FUT8: variants seen among roughly 807,000 people sequenced by gnomAD.
FUT8 encodes the protein alpha-(1,6)-fucosyltransferase.
FUT8 carries 29 observed loss-of-function variants against 71.3 expected under a neutral mutation model. That is an observed-to-expected ratio of 0.41 (90% CI 0.30 to 0.55). The LOEUF is 0.55. Among genes scored for constraint, FUT8 ranks in the 20% least tolerant of loss-of-function variants. The probability of loss-of-function intolerance (pLI) is 0.34; values close to 1 mark genes in which losing one functional copy is unlikely to be tolerated. For synonymous variants in FUT8, 254 were observed against 239.3 expected (o/e 1.06, Z -0.57); for missense variants, 544 against 702.1 (o/e 0.77, Z 2.55).
chr14:65,616,486 A>G, intron 5 of FUT8, 113 bp downstream of exon 5: 2 of 940,590 alleles, frequency 2.1e-6, no homozygotes, highest in Non-Finnish European at 3.1e-6. Context: ...AGCACCTACA[A>G]TATTTAAGAG....
At position 65,413,891 on chromosome 14, in the gene FUT8, C is replaced by T. The variant is rs948827121; in HGVS notation, c.-326+677C>T. ...GGATTGAGTGGGTTGTCGGGTGCAG[C>T]ACCTGTTCTTTCTTCACAGTGGGGA... On this transcript the variant is annotated intron_variant, in intron 1 of 10. Transcript: ENST00000673929. The surrounding 1 kb of genome is among the most constrained non-coding windows in gnomAD (Gnocchi z 4.1). 6.6e-6 allele frequency among the ~76,000 whole-genome samples: 1 copy of T among 152,126 alleles called. No homozygotes were observed. Among genetic ancestry groups the T allele is most frequent in the African/African-American group, 2.4e-5 (1 of 41,432 alleles).
chr14:65,473,291 A>G (rs964036888), intron 2 of FUT8, among the ~76,000 whole-genome samples: 2 of 152,046 alleles, frequency 1.3e-5, no homozygotes. Context: ...TGTTTGTACC[A>G]TATCTTTGGG....
At position 65,652,904 on chromosome 14, in the gene FUT8, C is replaced by T. The variant is rs1181140980; in HGVS notation, c.598-16339C>T. The stretch of plus-strand genomic sequence containing the variant: ...GCCAAACATTTGGAGCATGCGATAG[C>T]AGGGGATCATTGGCCATCTCTCTCT... On this transcript the variant is annotated intron_variant, in intron 6 of 10. Transcript: ENST00000673929. This position sits in a 1 kb window ranked among gnomAD's most constrained non-coding sequence, Gnocchi z 4.0. Among the ~76,000 whole-genome samples the T allele has an allele frequency of 6.6e-6, 1 of 152,202 alleles. No individual in the cohort carries two copies. The highest frequency in any genetic ancestry group is 2.4e-5 in the African/African-American group (1 of 41,448).
At chr14:65,605,679 C>T (rs1411904464) in intron 3 of FUT8, among the ~76,000 whole-genome samples, 1 of 151,946 alleles carries the variant, frequency 6.6e-6, no homozygotes, top group Admixed American at 6.6e-5. Context: ...GTTGTTTAAG[C>T]CACCCATTTT....
chr14:65,699,145 T>TACACACACACACACACACACAC (rs60092488), intron 7 of FUT8, among the ~76,000 whole-genome samples: 1 of 132,052 alleles, frequency 7.6e-6, no homozygotes, highest in African/African-American at 3.0e-5. Context: ...CCCTCCCTTC[T>TACACACACACACACACACACAC]ACACACACAC....
intron 6 of FUT8, among the ~76,000 whole-genome samples, chr14:65,645,525 A>G (rs1594854654): frequency 1.3e-5 from 2 of 152,174 alleles, no homozygotes; most frequent in Non-Finnish European, 2.9e-5. Flanking sequence ...AATTATTGAT[A>G]TTTGTGGTAC....
the FUT8 span, among the ~76,000 whole-genome samples, chr14:65,378,946 A>G: frequency 7.3e-6 from 1 of 136,664 alleles, no homozygotes; most frequent in African/African-American, 2.7e-5. Context: ...TCCTGGGTTC[A>G]AGCGATTCTC....
intron 2 of FUT8, among the ~76,000 whole-genome samples, chr14:65,497,890 A>G (rs1268216590): frequency 6.6e-6 from 1 of 152,094 alleles, no homozygotes; most frequent in East Asian, 1.9e-4. Flanking sequence ...CAGATTGAGA[A>G]TGTGCTGTTA....
chr14:65,733,508 C>T, intron 10 of FUT8, 127 bp downstream of exon 10: 1 of 599,596 alleles, frequency 1.7e-6, no homozygotes, highest in African/African-American at 1.9e-5. Flanking sequence ...TTTTCTGATA[C>T]TCAGTAATGA....
chr14:65,541,946 A>C (rs1176582788), intron 2 of FUT8, among the ~76,000 whole-genome samples: 8 of 152,188 alleles, frequency 5.3e-5, no homozygotes, highest in Non-Finnish European at 1.2e-4. Flanking sequence ...TGTTCTTAAT[A>C]ATAGAAAAAA....
intron 7 of FUT8, among the ~76,000 whole-genome samples, chr14:65,683,198 A>G (rs185705312): frequency 3.0e-3 from 453 of 152,086 alleles, no homozygotes; most frequent in South Asian, 0.012. Context: ...TATTTTTAAT[A>G]TAGATGGGGT....
At chr14:65,727,586 A>G (rs1259971036) in intron 9 of FUT8, among the ~76,000 whole-genome samples, 4 of 152,076 alleles carry the variant, frequency 2.6e-5, no homozygotes, top group African/African-American at 7.2e-5. Context: ...CCCAGTCCAC[A>G]ATATCATTTT....
intron 7 of FUT8, among the ~76,000 whole-genome samples, chr14:65,706,370 G>C (rs1594920471): frequency 6.6e-6 from 1 of 152,116 alleles, no homozygotes; most frequent in East Asian, 1.9e-4. Flanking sequence ...GTGCCTCTCT[G>C]CTCCAGCCTC....
At chr14:65,423,321 G>T (rs949885265) in intron 1 of FUT8, among the ~76,000 whole-genome samples, 2 of 149,948 alleles carry the variant, frequency 1.3e-5, no homozygotes, top group Non-Finnish European at 3.0e-5. Flanking sequence ...GAGTGCAGTG[G>T]CGCAATCTCT....
chr14:65,448,352 T>C (rs2065773590), intron 1 of FUT8, among the ~76,000 whole-genome samples: 1 of 152,164 alleles, frequency 6.6e-6, no homozygotes. Flanking sequence ...ACCATCAAAC[T>C]CATGCTTATC....
chr14:65,510,938 C>A (rs943617746), intron 2 of FUT8, among the ~76,000 whole-genome samples: 8 of 151,848 alleles, frequency 5.3e-5, no homozygotes, highest in African/African-American at 1.9e-4. Flanking sequence ...TTATTTTCTT[C>A]TACTACTTTT....
At chr14:65,477,779 T>G (rs1232937950) in intron 2 of FUT8, among the ~76,000 whole-genome samples, 1 of 152,146 alleles carries the variant, frequency 6.6e-6, no homozygotes, top group East Asian at 1.9e-4. Context: ...TGGGTAAGTT[T>G]GTCTCATTTG....
At chr14:65,541,230 C>A (rs550425393) in intron 2 of FUT8, among the ~76,000 whole-genome samples, 1 of 152,030 alleles carries the variant, frequency 6.6e-6, no homozygotes, top group African/African-American at 2.4e-5. Context: ...TATAAAGATG[C>A]GTAATTGTCA....
At chr14:65,499,021 G>A (rs973266962) in intron 2 of FUT8, among the ~76,000 whole-genome samples, 2 of 152,184 alleles carry the variant, frequency 1.3e-5, no homozygotes, top group Admixed American at 6.5e-5. Context: ...GGGTAAGAAC[G>A]TGTCTCCCAA....
Sources: gnomAD v4.1 joint callset for allele counts (sites outside exome capture counted in the v4.1 genomes callset) on GRCh38, gnomAD v4.1.1 for gene constraint, Gnocchi (gnomAD v3.1) non-coding constraint, MANE v1.5 for transcripts, NCBI Gene and HGNC (gene_info 2026-07-23, HGNC 2026-07-21) for gene names.